PAWR: variants seen among roughly 807,000 people sequenced by gnomAD.
PAWR encodes pro-apoptotic WT1 regulator, also known as PRKC apoptosis WT1 regulator protein.
PAWR carries 23 observed loss-of-function variants against 32.0 expected under a neutral mutation model. The observed-to-expected ratio is 0.72, with a 90% CI of 0.52 to 1.02. PAWR has a LOEUF of 1.02. Ranked by LOEUF, PAWR falls within the 50% of genes least tolerant of loss-of-function variation. PAWR has a pLI of 0.00. For synonymous variants in PAWR, 226 were observed against 187.1 expected (o/e 1.21, Z -1.70); for missense variants, 457 against 437.7 (o/e 1.04, Z -0.39).
At position 79,591,524 on chromosome 12, in the gene PAWR, T is replaced by A. The variant is rs1873555726; in HGVS notation, c.*1083A>T. On this transcript the variant is annotated 3_prime_UTR_variant, in exon 7 of 7. Transcript: ENST00000328827. ...AAAAACAATTCTAAATAATAATATT[T>A]AATAGAAGAAAAAATCTGTATAATT... The A allele has an allele frequency of 6.6e-6, 1 of 152,090 alleles. No individual in the cohort carries two copies. The highest frequency in any genetic ancestry group is 2.1e-4 in the South Asian group (1 of 4,828). 9.4% of individuals were successfully genotyped at this position (152,090 alleles called of 1,614,324 possible).
At chr12:79,637,817 AG>A (rs1342453748) in intron 2 of PAWR, among the ~76,000 whole-genome samples, 3 of 152,254 alleles carry the variant, frequency 2.0e-5, no homozygotes, top group African/African-American at 7.2e-5. Flanking sequence ...CTTAAAAAAA[AG>A]AAAAAAGAAA....
At chr12:79,669,893 GT>G (rs1322695816) in intron 2 of PAWR, among the ~76,000 whole-genome samples, 1 of 151,994 alleles carries the variant, frequency 6.6e-6, no homozygotes, top group Non-Finnish European at 1.5e-5. Flanking sequence ...TAGAGATGGG[GT>G]TTTGCCATGT....
chr12:79,672,231 A>G (rs150629150), intron 2 of PAWR, among the ~76,000 whole-genome samples: 249 of 152,232 alleles, frequency 1.6e-3, no homozygotes, highest in African/African-American at 5.8e-3. Context: ...TGAAACAAAA[A>G]TTAGATCAAG....
intron 2 of PAWR, among the ~76,000 whole-genome samples, chr12:79,629,597 A>T (rs1566009564): frequency 2.8e-5 from 4 of 145,186 alleles, no homozygotes; most frequent in African/African-American, 5.1e-5. Context: ...GTAGAGATAT[A>T]AAAAAAAAAA....
At chr12:79,614,199 G>A (rs1300428896) in intron 3 of PAWR, among the ~76,000 whole-genome samples, 8 of 149,330 alleles carry the variant, frequency 5.4e-5, no homozygotes, top group Non-Finnish European at 1.2e-4. Context: ...TAGTAGAGAC[G>A]GGGTTTCTCC....
rs1410689119 is a variant in PAWR at position 79,591,662 on chromosome 12, A to G, written c.*945T>C. On this transcript the variant is annotated 3_prime_UTR_variant, in exon 7 of 7. Coordinates refer to ENST00000328827, the MANE Select transcript of PAWR (RefSeq NM_002583.4). ...AAACTGTGTCCCAGTGTTATTCTTC[A>G]ACTTAGAAATTAGGCAAAGTATTTT... The G allele has an allele frequency of 2.0e-5, 3 of 152,114 alleles. No individual in the cohort carries two copies. The highest frequency in any genetic ancestry group is 2.9e-5 in the Non-Finnish European group (2 of 67,988). The allele number at this position is 152,114 out of a possible 1,614,324, so 9.4% of individuals were successfully genotyped here. A position where few individuals can be genotyped will look rare whatever the true frequency, so the allele number is the denominator to read the frequency against.
intron 2 of PAWR, among the ~76,000 whole-genome samples, chr12:79,657,350 C>T (rs1415987539): frequency 1.3e-5 from 2 of 151,670 alleles, no homozygotes; most frequent in Non-Finnish European, 2.9e-5. Flanking sequence ...GTTTCATGTG[C>T]CAAAACTTGT....
intron 2 of PAWR, among the ~76,000 whole-genome samples, chr12:79,649,890 C>T (rs544500299): frequency 6.6e-6 from 1 of 152,232 alleles, no homozygotes; most frequent in Non-Finnish European, 1.5e-5. Context: ...TGGGCTGTAG[C>T]AGGGGGTAGG....
intron 2 of PAWR, among the ~76,000 whole-genome samples, chr12:79,632,316 T>TATATACAC (rs1875693191): frequency 4.6e-5 from 1 of 21,554 alleles, no homozygotes; most frequent in Non-Finnish European, 6.8e-5. Context: ...TACATACATA[T>TATATACAC]ATATATATAT....
At chr12:79,634,534 T>C (rs1267591415) in intron 2 of PAWR, among the ~76,000 whole-genome samples, 5 of 152,180 alleles carry the variant, frequency 3.3e-5, no homozygotes, top group Admixed American at 1.3e-4. Flanking sequence ...ATTTGTTGAA[T>C]AGTGCAGTCA....
intron 2 of PAWR, among the ~76,000 whole-genome samples, chr12:79,660,100 A>C (rs895174729): frequency 1.3e-5 from 2 of 152,214 alleles, no homozygotes; most frequent in Non-Finnish European, 2.9e-5. Context: ...GCAGTGAGCA[A>C]ACATACCACA....
intron 4 of PAWR, among the ~76,000 whole-genome samples, chr12:79,610,244 A>C (rs1264995117): frequency 1.3e-5 from 2 of 152,246 alleles, no homozygotes; most frequent in Non-Finnish European, 2.9e-5. Context: ...GTGTATTCCT[A>C]TGCAGCTTGG....
intron 2 of PAWR, among the ~76,000 whole-genome samples, chr12:79,672,758 T>C (rs1877971309): frequency 6.6e-6 from 1 of 152,130 alleles, no homozygotes; most frequent in Non-Finnish European, 1.5e-5. Context: ...TTTTTCTGTA[T>C]TTCAAACATG....
chr12:79,617,731 A>G (rs1176707174), intron 3 of PAWR, among the ~76,000 whole-genome samples: 1 of 152,186 alleles, frequency 6.6e-6, no homozygotes, highest in East Asian at 1.9e-4. Flanking sequence ...TATGTCTGAT[A>G]TATTTTGGAT....
chr12:79,598,569 A>C (rs1873846610), intron 4 of PAWR, among the ~76,000 whole-genome samples: 1 of 152,190 alleles, frequency 6.6e-6, no homozygotes, highest in African/African-American at 2.4e-5. Context: ...TTGATTCCTC[A>C]TCTATGAATT....
chr12:79,627,752 A>G (rs1275047247), intron 2 of PAWR, among the ~76,000 whole-genome samples: 2 of 152,204 alleles, frequency 1.3e-5, no homozygotes, highest in African/African-American at 2.4e-5. Flanking sequence ...CAAGAAGAAG[A>G]GCTAACTATC....
chr12:79,626,531 T>C (rs375338281), intron 2 of PAWR, among the ~76,000 whole-genome samples: 23 of 151,734 alleles, frequency 1.5e-4, no homozygotes, highest in African/African-American at 5.5e-4. Context: ...AGTGCTGGGA[T>C]TACAGGTGTG....
intron 2 of PAWR, among the ~76,000 whole-genome samples, chr12:79,643,687 T>TTTATTTATATTCATTTG (rs1167669511): frequency 6.6e-6 from 1 of 152,146 alleles, no homozygotes; most frequent in Non-Finnish European, 1.5e-5. Context: ...CACTGAATAG[T>TTTATTTATATTCATTTG]CAGCTCATTT....
At chr12:79,655,356 A>T (rs1877047642) in intron 2 of PAWR, among the ~76,000 whole-genome samples, 1 of 152,214 alleles carries the variant, frequency 6.6e-6, no homozygotes, top group African/African-American at 2.4e-5. Context: ...GCAGCTCAAA[A>T]TCTAAATATG....
Sources: gnomAD v4.1 joint callset for allele counts (sites outside exome capture counted in the v4.1 genomes callset) on GRCh38, gnomAD v4.1.1 for gene constraint, MANE v1.5 for transcripts, NCBI Gene and HGNC (gene_info 2026-07-23, HGNC 2026-07-21) for gene names.